The following DCAF12 variants were observed in gnomAD, a reference collection of about 807,000 sequenced individuals.
The protein encoded by DCAF12 is DDB1 and CUL4 associated factor 12.
In DCAF12, 28 loss-of-function variants were observed where a neutral mutation model predicts 52.8. The ratio of observed to expected loss-of-function variants is 0.53; its 90% confidence interval spans 0.39 to 0.73. DCAF12 has a LOEUF of 0.73. DCAF12 is among the 30% of genes least tolerant of loss of function. The pLI is 0.00. For synonymous variants in DCAF12, 196 were observed against 215.5 expected, an observed-to-expected ratio of 0.91 and a Z score of 0.79; for missense variants, 425 against 552.2, an observed-to-expected ratio of 0.77 and a Z score of 2.31.
In DCAF12 at chr9:34,113,622, G is replaced by A. The variant is rs111615835; in HGVS notation, c.334-6057C>T. 8.2e-3 allele frequency among the ~76,000 whole-genome samples: 1,254 copies of A among 152,186 alleles called. 18 individuals are homozygous for A. The highest frequency in any genetic ancestry group is 0.029 in the African/African-American group (1,199 of 41,510). Reference sequence around the variant, plus strand: ...CCCAAAGTGCTGGGATTACAAGCATGAGCCACCGCACCAAGGCTGAATTTT... The same window carrying A: ...CCCAAAGTGCTGGGATTACAAGCATAAGCCACCGCACCAAGGCTGAATTTT... On this transcript the variant is annotated intron_variant, in intron 2 of 8. Coordinates refer to ENST00000361264, the MANE Select transcript of DCAF12 (RefSeq NM_015397.4).
chr9:34,101,502 C>A (rs1828829501), intron 4 of DCAF12, among the ~76,000 whole-genome samples: 1 of 152,000 alleles, frequency 6.6e-6, no homozygotes, highest in Non-Finnish European at 1.5e-5. Flanking sequence ...AAGTGATTCT[C>A]CTACCTCAGC....
At chr9:34,109,878 G>A (rs992167657) in intron 2 of DCAF12, 65 of 261,550 alleles carry the variant, frequency 2.5e-4, no homozygotes, top group Admixed American at 5.6e-4. Flanking sequence ...AAAAGGTCTC[G>A]TCTGTGTTTT....
intron 2 of DCAF12, among the ~76,000 whole-genome samples, chr9:34,109,000 ATATGG>A (rs1238564678): frequency 1.7e-5 from 1 of 57,724 alleles, no homozygotes; most frequent in Non-Finnish European, 4.3e-5. Flanking sequence ...ATATATATAT[ATATGG>A]TTTTTTTTTT....
intron 2 of DCAF12, among the ~76,000 whole-genome samples, chr9:34,117,752 T>TA (rs1411762184): frequency 3.3e-5 from 5 of 151,986 alleles, no homozygotes; most frequent in African/African-American, 1.2e-4. Flanking sequence ...CCATCTCCAC[T>TA]AAAAATACAA....
At chr9:34,098,200 GA>G in intron 5 of DCAF12, 123 bp downstream of exon 5, 1 of 1,004,552 alleles carries the variant, frequency 1.0e-6, no homozygotes, top group Admixed American at 2.4e-5. Context: ...CAGCCTTTAA[GA>G]GGTGTTCTGT....
At chr9:34,089,316 G>GTA in intron 8 of DCAF12, 96 bp downstream of exon 8, 3 of 1,354,796 alleles carry the variant, frequency 2.2e-6, no homozygotes, top group Non-Finnish European at 3.0e-6. Flanking sequence ...TAGTGAAAAA[G>GTA]TATGAGTAGA....
intron 2 of DCAF12, among the ~76,000 whole-genome samples, chr9:34,117,943 C>G (rs1430961506): frequency 6.6e-6 from 1 of 152,046 alleles, no homozygotes; most frequent in African/African-American, 2.4e-5. Flanking sequence ...AGAAATTATT[C>G]TTGGACTGTT....
chr9:34,105,735 A>G (rs150112523), intron 4 of DCAF12, among the ~76,000 whole-genome samples: 269 of 149,700 alleles, frequency 1.8e-3, no homozygotes, highest in Middle Eastern at 3.5e-3. Flanking sequence ...TTATCTATCT[A>G]TCTTATCTAT....
chr9:34,090,355 C>T (rs999095524), intron 7 of DCAF12, among the ~76,000 whole-genome samples: 3 of 151,848 alleles, frequency 2.0e-5, no homozygotes, highest in Admixed American at 6.6e-5. Flanking sequence ...CCACTGTGCC[C>T]GGCCACAATG....
intron 7 of DCAF12, among the ~76,000 whole-genome samples, chr9:34,092,580 C>T (rs1296393273): frequency 2.0e-5 from 3 of 151,268 alleles, no homozygotes; most frequent in Non-Finnish European, 2.9e-5. Context: ...CACCTACTCG[C>T]GAGGCTGAGG....
chr9:34,117,782 C>T (rs1283598071), intron 2 of DCAF12, among the ~76,000 whole-genome samples: 1 of 151,948 alleles, frequency 6.6e-6, no homozygotes, highest in South Asian at 2.1e-4. Flanking sequence ...GGTGTGGTGG[C>T]GCATGCCTGT....
At chr9:34,093,780 C>A in intron 6 of DCAF12, 1 of 275,002 alleles carries the variant, frequency 3.6e-6, no homozygotes, top group Non-Finnish European at 7.1e-6. Context: ...TTCCAGGGCA[C>A]TAAAGCCATA....
In DCAF12 at chr9:34,115,845, G is replaced by A. The variant is rs187194901; in HGVS notation, c.334-8280C>T. ...CTCCCGCCTTAGTCTCCCAAAGTGC[G>A]GGATTACAGACATAAGCCATCAAGC... On this transcript the variant is annotated intron_variant, in intron 2 of 8. Transcript: ENST00000361264. 7.2e-5 allele frequency among the ~76,000 whole-genome samples: 11 copies of A among 152,104 alleles called. No homozygotes were observed. In the East Asian group the frequency reaches 1.4e-3, roughly 19 times the overall value.
chr9:34,105,755 CT>C (rs34136603), intron 4 of DCAF12, among the ~76,000 whole-genome samples: 121 of 143,516 alleles, frequency 8.4e-4, no homozygotes, highest in South Asian at 3.1e-3. Context: ...TCTATCCATC[CT>C]TTTTTTTTTT....
At chr9:34,118,956 C>T (rs2131442772) in intron 2 of DCAF12, among the ~76,000 whole-genome samples, 1 of 152,180 alleles carries the variant, frequency 6.6e-6, no homozygotes, top group South Asian at 2.1e-4. Context: ...CAGAGTAAGA[C>T]CCTGTCTCAA....
intron 2 of DCAF12, 115 bp downstream of exon 2, chr9:34,124,908 A>G: frequency 7.6e-7 from 1 of 1,316,924 alleles, no homozygotes; most frequent in African/African-American, 1.5e-5. Context: ...TGGAAAGGAG[A>G]GTAAGGCAAG....
chr9:34,091,789 T>A (rs1479892753), intron 7 of DCAF12, among the ~76,000 whole-genome samples: 1 of 152,114 alleles, frequency 6.6e-6, no homozygotes, highest in Non-Finnish European at 1.5e-5. Context: ...ACAGCCATAT[T>A]TTTGCATGAG....
chr9:34,102,009 T>C (rs571010318), intron 4 of DCAF12, among the ~76,000 whole-genome samples: 7 of 134,958 alleles, frequency 5.2e-5, no homozygotes, highest in African/African-American at 1.3e-4. Context: ...AGTGAGACCC[T>C]GTCGCAAAAA....
At chr9:34,100,681 T>C (rs79444484) in intron 4 of DCAF12, among the ~76,000 whole-genome samples, 1 of 151,508 alleles carries the variant, frequency 6.6e-6, no homozygotes, top group Non-Finnish European at 1.5e-5. Context: ...TTTTTTTTTT[T>C]TATAGACAGG....
Sources: gnomAD v4.1 joint callset for allele counts (sites outside exome capture counted in the v4.1 genomes callset) on GRCh38, gnomAD v4.1.1 for gene constraint, MANE v1.5 for transcripts, NCBI Gene and HGNC (gene_info 2026-07-23, HGNC 2026-07-21) for gene names.